FAT3: variants seen among roughly 807,000 people sequenced by gnomAD.
The protein encoded by FAT3 is FAT atypical cadherin 3.
In FAT3, 95 loss-of-function variants were observed where a neutral mutation model predicts 310.2. The observed-to-expected ratio is 0.31, with a 90% CI of 0.26 to 0.36. The LOEUF is 0.36. Among genes scored for constraint, FAT3 ranks in the 10% least tolerant of loss-of-function variants. The pLI is 1.00. For missense variants in FAT3, 5,408 were observed against 5,715.6 expected (o/e 0.95, Z 1.74); for synonymous variants, 2,314 against 2,192.9 (o/e 1.06, Z -1.54).
chr11:92,645,500 A>AAAC (rs1173660537), intron 3 of FAT3, among the ~76,000 whole-genome samples: 3 of 151,950 alleles, frequency 2.0e-5, no homozygotes, highest in African/African-American at 7.3e-5. Context: ...GAAAAAAAAA[A>AAAC]AAAACAGGTA....
chr11:92,384,918 A>G (rs1173321583), intron 2 of FAT3, among the ~76,000 whole-genome samples: 2 of 152,202 alleles, frequency 1.3e-5, no homozygotes, highest in African/African-American at 4.8e-5. Context: ...TTTTTCTAAT[A>G]GGATGGGAAG....
intron 3 of FAT3, among the ~76,000 whole-genome samples, chr11:92,586,051 AT>A (rs2135546880): frequency 6.6e-6 from 1 of 152,116 alleles, no homozygotes; most frequent in South Asian, 2.1e-4. Context: ...ATGACTGATG[AT>A]ATACTGAATA....
chr11:92,487,931 C>A (rs1952470259), intron 2 of FAT3, among the ~76,000 whole-genome samples: 1 of 152,216 alleles, frequency 6.6e-6, no homozygotes, highest in Non-Finnish European at 1.5e-5. Flanking sequence ...ATCCCTGTCC[C>A]TTGGTGTGCA....
At chr11:92,407,735 G>A (rs554295592) in intron 2 of FAT3, among the ~76,000 whole-genome samples, 3 of 152,244 alleles carry the variant, frequency 2.0e-5, no homozygotes, top group Admixed American at 6.5e-5. Flanking sequence ...CATCTGACAC[G>A]TATTAATTCC....
chr11:92,856,585 G>T (rs1370974498), intron 19 of FAT3, among the ~76,000 whole-genome samples: 1 of 152,174 alleles, frequency 6.6e-6, no homozygotes, highest in East Asian at 1.9e-4. Context: ...TAGAAGGGAA[G>T]CCTTCCCTTG....
chr11:92,513,360 T>A (rs1196820634), intron 2 of FAT3, among the ~76,000 whole-genome samples: 1 of 152,156 alleles, frequency 6.6e-6, no homozygotes, highest in African/African-American at 2.4e-5. Flanking sequence ...AAGAATCTTA[T>A]ACAGGTCCAA....
intron 3 of FAT3, among the ~76,000 whole-genome samples, chr11:92,564,453 C>T (rs1955354763): frequency 1.3e-5 from 2 of 150,504 alleles, no homozygotes; most frequent in African/African-American, 2.5e-5. Context: ...CTTTAACACC[C>T]CACTGTCAAC....
At chr11:92,796,662 A>G (rs1947182486) in intron 9 of FAT3, among the ~76,000 whole-genome samples, 1 of 152,224 alleles carries the variant, frequency 6.6e-6, no homozygotes, top group African/African-American at 2.4e-5. Flanking sequence ...ACACAGAAGT[A>G]TATGTGTTCT....
chr11:92,432,109 A>G (rs980927350), intron 2 of FAT3, among the ~76,000 whole-genome samples: 3 of 152,074 alleles, frequency 2.0e-5, no homozygotes, highest in African/African-American at 7.2e-5. Flanking sequence ...TTTTCACAAT[A>G]TTGATTCTTC....
intron 1 of FAT3, among the ~76,000 whole-genome samples, chr11:92,312,433 T>C (rs1947332151): frequency 6.6e-6 from 1 of 152,158 alleles, no homozygotes. Context: ...ATGGGGCTTC[T>C]TTTGCAGAGG....
intron 3 of FAT3, among the ~76,000 whole-genome samples, chr11:92,682,326 A>G (rs965478165): frequency 7.2e-5 from 11 of 152,242 alleles, no homozygotes; most frequent in East Asian, 5.8e-4. Context: ...GTTGTTAACT[A>G]TGTCAGGGAA....
chr11:92,278,708 C>A (rs1014398404), intron 1 of FAT3, among the ~76,000 whole-genome samples: 15 of 152,158 alleles, frequency 9.9e-5, no homozygotes, highest in Admixed American at 9.8e-4. Context: ...TGAGTCAATT[C>A]TTTAGTTCTT....
At chr11:92,745,167 G>A (rs568254340) in intron 4 of FAT3, among the ~76,000 whole-genome samples, 25 of 152,310 alleles carry the variant, frequency 1.6e-4, no homozygotes, top group African/African-American at 5.8e-4. Context: ...TGAAATAGAA[G>A]GGAAGCTACC....
At chr11:92,277,383 T>C (rs529884779) in intron 1 of FAT3, among the ~76,000 whole-genome samples, 1 of 152,170 alleles carries the variant, frequency 6.6e-6, no homozygotes, top group Non-Finnish European at 1.5e-5. Flanking sequence ...AAAAATAAAC[T>C]GATCTATCAA....
chr11:92,416,220 A>G lies in FAT3; in HGVS notation c.3292+60816A>G, dbSNP rs1591258563. ...GAAACCCCATCTCTACTAAAGATAC[A>G]AAAAAAAAAAAAAAATAGCCAGGTG... On this transcript the variant is annotated intron_variant, in intron 2 of 27. Coordinates refer to ENST00000525166, the MANE Select transcript of FAT3 (RefSeq NM_001367949.2). 1.7e-3 allele frequency among the ~76,000 whole-genome samples: 3 copies of G among 1,808 alleles called. No homozygotes were observed. The South Asian group carries it at 0.017, about 11-fold the overall frequency. 1.2% of individuals were successfully genotyped at this position (1,808 alleles called of 152,430 possible). A position where few individuals can be genotyped will look rare whatever the true frequency, so the allele number is the denominator to read the frequency against.
At chr11:92,286,754 G>C (rs1311550239) in intron 1 of FAT3, among the ~76,000 whole-genome samples, 1 of 152,120 alleles carries the variant, frequency 6.6e-6, no homozygotes, top group African/African-American at 2.4e-5. Context: ...TGCTATTAAC[G>C]CTTGTGGCAT....
intron 2 of FAT3, among the ~76,000 whole-genome samples, chr11:92,426,442 T>C (rs1950635409): frequency 6.6e-6 from 1 of 152,342 alleles, no homozygotes; most frequent in Admixed American, 6.5e-5. Context: ...AGTCATGAAG[T>C]CTTTGCCCAT....
intron 6 of FAT3, among the ~76,000 whole-genome samples, chr11:92,772,880 G>A (rs1057096805): frequency 4.6e-5 from 7 of 151,698 alleles, no homozygotes; most frequent in Non-Finnish European, 1.0e-4. Flanking sequence ...CTGACTATTC[G>A]TAACTGTTAT....
At chr11:92,329,452 G>A (rs1220240835) in intron 1 of FAT3, among the ~76,000 whole-genome samples, 1 of 151,948 alleles carries the variant, frequency 6.6e-6, no homozygotes, top group Non-Finnish European at 1.5e-5. Context: ...GCAGCCTGAG[G>A]CCCTCACCTG....
Sources: gnomAD v4.1 joint callset for allele counts (sites outside exome capture counted in the v4.1 genomes callset) on GRCh38, gnomAD v4.1.1 for gene constraint, MANE v1.5 for transcripts, NCBI Gene and HGNC (gene_info 2026-07-23, HGNC 2026-07-21) for gene names.